CDK15: variants seen among roughly 807,000 people sequenced by gnomAD.
CDK15 encodes cyclin-dependent kinase 15.
A neutral mutation model predicts 60.3 loss-of-function variants in CDK15; 62 were observed. That is an observed-to-expected ratio of 1.03 (90% CI 0.84 to 1.27). The LOEUF (loss-of-function observed/expected upper bound fraction) is 1.27, where lower values mean the gene tolerates loss of function less well. Among genes scored for constraint, CDK15 ranks in the 50% most tolerant of loss-of-function variants. CDK15 has a pLI of 0.00. For missense variants in CDK15, 541 were observed against 527.8 expected (o/e 1.03, Z -0.25); for synonymous variants, 194 against 195.7 (o/e 0.99, Z 0.07).
chr2:201,846,056 T>C (rs1435625208), intron 8 of CDK15, among the ~76,000 whole-genome samples: 1 of 152,144 alleles, frequency 6.6e-6, no homozygotes, highest in Non-Finnish European at 1.5e-5. Context: ...TTTCACTGTT[T>C]AATCTATTTA....
intron 6 of CDK15, among the ~76,000 whole-genome samples, chr2:201,831,422 T>C (rs1696749121): frequency 6.6e-6 from 1 of 152,152 alleles, no homozygotes; most frequent in Admixed American, 6.6e-5. Flanking sequence ...ATCTGGCTGA[T>C]GTTGAACTGT....
chr2:201,889,344 T>C, intron 12 of CDK15: 11 of 985,102 alleles, frequency 1.1e-5, no homozygotes, highest in Non-Finnish European at 1.3e-5. Flanking sequence ...GCGGATGTGC[T>C]TTGGTGACAA....
At chr2:201,860,656 C>A in intron 10 of CDK15, 1 of 1,320,056 alleles carries the variant, frequency 7.6e-7, no homozygotes. Flanking sequence ...CTGCAGGGAC[C>A]AGAATCAGAT....
intron 10 of CDK15, among the ~76,000 whole-genome samples, chr2:201,865,055 A>G (rs1321382956): frequency 6.6e-6 from 1 of 152,110 alleles, no homozygotes; most frequent in Non-Finnish European, 1.5e-5. Flanking sequence ...AGAGGAGCTA[A>G]AGGAGACTAG....
At chr2:201,890,370 T>C (rs1429075014) in intron 12 of CDK15, among the ~76,000 whole-genome samples, 1 of 152,216 alleles carries the variant, frequency 6.6e-6, no homozygotes, top group Non-Finnish European at 1.5e-5. Flanking sequence ...TCCTTCACTA[T>C]TGAGGGCATA....
intron 10 of CDK15, among the ~76,000 whole-genome samples, chr2:201,857,725 G>A (rs970179885): frequency 6.6e-6 from 1 of 152,068 alleles, no homozygotes; most frequent in Admixed American, 6.5e-5. Flanking sequence ...TGGGCCATGG[G>A]GTCAGTATTA....
At chr2:201,886,538 T>C (rs1699455868) in intron 12 of CDK15, among the ~76,000 whole-genome samples, 1 of 152,190 alleles carries the variant, frequency 6.6e-6, no homozygotes, top group Non-Finnish European at 1.5e-5. Flanking sequence ...TTGGCCAGGC[T>C]GGTCTCAAAC....
rs549355828 is a variant in CDK15, at chr2:201,888,532, G to A, written c.1199-2253G>A. ...AGGAGTCACCAGAGTGGAAGGTTTT[G>A]CATTTGTGAGATTGCTGAAGGAGAG... is the stretch of plus-strand genomic sequence containing the variant. On this transcript the variant is annotated intron_variant, in intron 12 of 13. Coordinates refer to ENST00000652192, the MANE Select transcript of CDK15 (RefSeq NM_001366386.2). The A allele has an allele frequency of 1.0e-4, 156 of 1,505,360 alleles. No homozygotes were observed. In the South Asian group the frequency reaches 1.4e-3, roughly 13 times the overall value. 93.3% of individuals were successfully genotyped at this position (1,505,360 alleles called of 1,614,324 possible). A position where few individuals can be genotyped will look rare whatever the true frequency, so the allele number is the denominator to read the frequency against.
chr2:201,828,047 G>A (rs1401402205), intron 6 of CDK15, among the ~76,000 whole-genome samples: 1 of 152,216 alleles, frequency 6.6e-6, no homozygotes, highest in African/African-American at 2.4e-5. Context: ...AGCATGAGGA[G>A]GAAAAGGATG....
chr2:201,862,045 C>T (rs546719709), intron 10 of CDK15, among the ~76,000 whole-genome samples: 1 of 152,312 alleles, frequency 6.6e-6, no homozygotes, highest in South Asian at 2.1e-4. Flanking sequence ...CTAAACCTTG[C>T]CTGAATCCGC....
chr2:201,882,879 G>A lies in CDK15; in HGVS notation c.1198+2712G>A, dbSNP rs1306335715. Among the ~76,000 whole-genome samples, 2 of 152,174 alleles carry A rather than the reference G, an allele frequency of 1.3e-5. No individual in the cohort carries two copies. Among genetic ancestry groups the A allele is most frequent in the Non-Finnish European group, 2.9e-5 (2 of 68,034 alleles). Reference sequence around the variant, plus strand: ...CAGCACATTATCTACTAAGAGATGCGGTCCTTGGCCTGGCAGTGCCAGCCT... The same window carrying A: ...CAGCACATTATCTACTAAGAGATGCAGTCCTTGGCCTGGCAGTGCCAGCCT... On this transcript the variant is annotated intron_variant, in intron 12 of 13. Transcript: ENST00000652192. The surrounding 1 kb of genome is among the most constrained non-coding windows in gnomAD (Gnocchi z 4.0).
At chr2:201,867,552 G>C (rs757972832) in intron 10 of CDK15, among the ~76,000 whole-genome samples, 2 of 151,142 alleles carry the variant, frequency 1.3e-5, no homozygotes, top group African/African-American at 2.4e-5. Context: ...TTGAGACCGG[G>C]AGGTCAAGGA....
intron 8 of CDK15, among the ~76,000 whole-genome samples, chr2:201,839,313 A>C (rs1386034970): frequency 1.3e-5 from 2 of 152,200 alleles, no homozygotes; most frequent in African/African-American, 4.8e-5. Context: ...CTACAGAGTA[A>C]CTGACCTGTA....
At chr2:201,828,061 C>T (rs1415404400) in intron 6 of CDK15, among the ~76,000 whole-genome samples, 1 of 152,110 alleles carries the variant, frequency 6.6e-6, no homozygotes, top group East Asian at 1.9e-4. Flanking sequence ...AAGGATGGGG[C>T]CAAACATAAC....
chr2:201,814,951 T>C (rs747927626), intron 4 of CDK15, among the ~76,000 whole-genome samples: 13 of 1,238 alleles, frequency 0.011, no homozygotes, highest in Non-Finnish European at 0.046. Context: ...TAAGGAACAT[T>C]TTTTTTTTTT....
At chr2:201,807,046 A>C (rs1235898425) in intron 1 of CDK15, among the ~76,000 whole-genome samples, 2 of 152,210 alleles carry the variant, frequency 1.3e-5, no homozygotes, top group Admixed American at 6.5e-5. Flanking sequence ...GTTCTCTCAA[A>C]ATCTCTAAGG....
intron 8 of CDK15, among the ~76,000 whole-genome samples, chr2:201,844,736 G>A (rs1339040899): frequency 6.6e-6 from 1 of 151,742 alleles, no homozygotes; most frequent in East Asian, 1.9e-4. Flanking sequence ...CAGGAGGATT[G>A]CTTGAGGTTT....
chr2:201,818,104 T>C (rs1696068974), intron 4 of CDK15, among the ~76,000 whole-genome samples: 1 of 152,214 alleles, frequency 6.6e-6, no homozygotes, highest in African/African-American at 2.4e-5. Flanking sequence ...CTCATTACAA[T>C]TGGCCTGGCT....
rs1699297261 is a variant in CDK15 at position 201,882,068 on chromosome 2, A to T, written c.1198+1901A>T. 6.6e-6 allele frequency among the ~76,000 whole-genome samples: 1 copy of T among 152,092 alleles called. No individual in the cohort carries two copies. Reference sequence around the variant, plus strand: ...ATTAGGAAGAAACAATCACTGTCCAAACTGATGTGTTGTTAGAAACTTGGG... The same window carrying T: ...ATTAGGAAGAAACAATCACTGTCCATACTGATGTGTTGTTAGAAACTTGGG... On this transcript the variant is annotated intron_variant, in intron 12 of 13. Transcript: ENST00000652192. The surrounding 1 kb of genome is among the most constrained non-coding windows in gnomAD (Gnocchi z 4.0).
Sources: allele counts gnomAD v4.1 joint callset (sites outside exome capture counted in the v4.1 genomes callset), GRCh38; gene constraint gnomAD v4.1.1; non-coding constraint Gnocchi (gnomAD v3.1); transcripts MANE v1.5; gene names NCBI Gene and HGNC (gene_info 2026-07-23, HGNC 2026-07-21).